EIF4G3: variants seen among roughly 807,000 people sequenced by gnomAD.
EIF4G3 encodes eukaryotic translation initiation factor 4 gamma 3, also known as eIF-4-gamma 3.
EIF4G3 carries 34 observed loss-of-function variants against 186.4 expected under a neutral mutation model. The ratio of observed to expected loss-of-function variants is 0.18; its 90% CI spans 0.14 to 0.24. EIF4G3 has a LOEUF of 0.24. Among genes scored for constraint, EIF4G3 ranks in the 10% least tolerant of loss-of-function variants. The pLI is 1.00. For missense variants in EIF4G3, 1,536 were observed against 1,948.5 expected (o/e 0.79, Z 3.99); for synonymous variants, 673 against 679.5 (o/e 0.99, Z 0.15).
chr1:21,168,022 A>G (rs1464528422), intron 2 of EIF4G3: 1 of 470,730 alleles, frequency 2.1e-6, no homozygotes, highest in Admixed American at 2.4e-5. Context: ...CTAAAAGCCA[A>G]AGGTGAAAAA....
chr1:21,053,023 CG>C (rs1557722377), intron 3 of EIF4G3, among the ~76,000 whole-genome samples: 1 of 151,264 alleles, frequency 6.6e-6, no homozygotes, highest in Non-Finnish European at 1.5e-5. Context: ...AAGTGAGGAG[CG>C]TCTCTGCCTG....
At chr1:21,040,695 A>T (rs2093519354) in intron 4 of EIF4G3, among the ~76,000 whole-genome samples, 1 of 152,230 alleles carries the variant, frequency 6.6e-6, no homozygotes, top group Admixed American at 6.5e-5. Context: ...CTGTGTTGTT[A>T]TTACAGTTCT....
chr1:21,161,226 T>G (rs2102946710), intron 2 of EIF4G3, among the ~76,000 whole-genome samples: 1 of 151,784 alleles, frequency 6.6e-6, no homozygotes, highest in Middle Eastern at 3.4e-3. Context: ...AGTGCCAGCC[T>G]GGCACAATGG....
intron 6 of EIF4G3, among the ~76,000 whole-genome samples, chr1:21,000,671 G>T (rs1373001623): frequency 6.6e-6 from 1 of 151,934 alleles, no homozygotes; most frequent in African/African-American, 2.4e-5. Context: ...CAAGAAGCAA[G>T]AGTAGTCTGG....
At chr1:20,981,543 A>G (rs1056428746) in intron 8 of EIF4G3, among the ~76,000 whole-genome samples, 5 of 130,522 alleles carry the variant, frequency 3.8e-5, no homozygotes, top group East Asian at 2.4e-4. Context: ...ATACGCACAT[A>G]CTGTATGTAT....
At chr1:20,815,657 G>A (rs1348919578) in intron 34 of EIF4G3, among the ~76,000 whole-genome samples, 1 of 146,552 alleles carries the variant, frequency 6.8e-6, no homozygotes, top group Non-Finnish European at 1.5e-5. Flanking sequence ...GGTGGGGGGG[G>A]GTCAGCCCCC....
chr1:21,103,251 T>A (rs886899225), intron 2 of EIF4G3, among the ~76,000 whole-genome samples: 1 of 152,128 alleles, frequency 6.6e-6, no homozygotes, highest in Non-Finnish European at 1.5e-5. Context: ...ACTTTCCCTG[T>A]CCCTCTTCCA....
At chr1:21,101,743 C>T (rs1296103801) in intron 2 of EIF4G3, among the ~76,000 whole-genome samples, 2 of 151,824 alleles carry the variant, frequency 1.3e-5, no homozygotes, top group African/African-American at 2.4e-5. Flanking sequence ...ACAAATTTCA[C>T]CTTTATGTTA....
chr1:21,108,986 G>A (rs2096667509), intron 2 of EIF4G3, among the ~76,000 whole-genome samples: 1 of 151,616 alleles, frequency 6.6e-6, no homozygotes, highest in Non-Finnish European at 1.5e-5. Context: ...GGGAGGATGA[G>A]GCGGGTGGAT....
chr1:21,108,496 C>G (rs964899026), intron 2 of EIF4G3, among the ~76,000 whole-genome samples: 1 of 151,960 alleles, frequency 6.6e-6, no homozygotes, highest in Non-Finnish European at 1.5e-5. Flanking sequence ...CAGTGTAGGA[C>G]GCTATTAAGT....
At chr1:21,165,024 G>GT (rs1161495876) in intron 2 of EIF4G3, among the ~76,000 whole-genome samples, 1 of 152,120 alleles carries the variant, frequency 6.6e-6, no homozygotes, top group Non-Finnish European at 1.5e-5. Flanking sequence ...ATAATTCTCC[G>GT]TAACTGACAA....
intron 6 of EIF4G3, 112 bp from the exon 7 acceptor site, chr1:20,997,745 G>A: frequency 1.3e-6 from 1 of 795,070 alleles, no homozygotes; most frequent in Non-Finnish European, 2.0e-6. Flanking sequence ...ACCCACAGTG[G>A]GGAAATAAAA....
At chr1:20,948,501 G>A (rs967717546) in intron 13 of EIF4G3, among the ~76,000 whole-genome samples, 1 of 152,084 alleles carries the variant, frequency 6.6e-6, no homozygotes, top group Non-Finnish European at 1.5e-5. Context: ...CTGTTCAAGA[G>A]TATCAGGCTT....
chr1:21,105,239 G>A (rs901832191), intron 2 of EIF4G3, among the ~76,000 whole-genome samples: 5 of 152,062 alleles, frequency 3.3e-5, no homozygotes, highest in Admixed American at 1.3e-4. Flanking sequence ...CCTGGCCAAC[G>A]TGGTGAAACC....
chr1:20,894,215 T>C (rs1308558641), intron 17 of EIF4G3, among the ~76,000 whole-genome samples: 1 of 152,150 alleles, frequency 6.6e-6, no homozygotes, highest in Admixed American at 6.5e-5. Flanking sequence ...ATGGACAACA[T>C]AAAGTTAAGC....
At chr1:21,130,138 C>T (rs537274226) in intron 2 of EIF4G3, among the ~76,000 whole-genome samples, 1 of 149,580 alleles carries the variant, frequency 6.7e-6, no homozygotes, top group East Asian at 2.0e-4. Flanking sequence ...GATTCCAGCA[C>T]TTTGGGAGGA....
At chr1:20,942,671 T>C (rs1239050033) in intron 13 of EIF4G3, among the ~76,000 whole-genome samples, 2 of 152,154 alleles carry the variant, frequency 1.3e-5, no homozygotes, top group Non-Finnish European at 2.9e-5. Context: ...AGGAAAACCT[T>C]CATTTCTACC....
intron 34 of EIF4G3, among the ~76,000 whole-genome samples, chr1:20,814,756 TCCCCCTC>T (rs1557737808): frequency 2.3e-3 from 55 of 23,684 alleles, no homozygotes; most frequent in African/African-American, 9.4e-3. Context: ...CATCTCCCCC[TCCCCCTC>T]CCCCTCCCCC....
intron 2 of EIF4G3, among the ~76,000 whole-genome samples, chr1:21,122,957 G>T (rs967099678): frequency 6.6e-6 from 1 of 152,126 alleles, no homozygotes; most frequent in African/African-American, 2.4e-5. Context: ...TACACGGTTG[G>T]AACATGAATG....
Sources: allele counts gnomAD v4.1 joint callset (sites outside exome capture counted in the v4.1 genomes callset), GRCh38; gene constraint gnomAD v4.1.1; transcripts MANE v1.5; gene names NCBI Gene and HGNC (gene_info 2026-07-23, HGNC 2026-07-21).